The following PLXDC2 variants were observed in gnomAD, a reference collection of about 807,000 sequenced individuals.
PLXDC2 encodes plexin domain containing 2.
Under a neutral mutation model 68.9 loss-of-function variants are expected in PLXDC2, and 40 were observed. The observed-to-expected ratio is 0.58, with a 90% CI of 0.45 to 0.76. The LOEUF (loss-of-function observed/expected upper bound fraction) is 0.76. Ranked by LOEUF, PLXDC2 falls within the 30% of genes least tolerant of loss-of-function variation. The probability of loss-of-function intolerance (pLI) is 0.00; values close to 1 mark genes in which losing one functional copy is unlikely to be tolerated. For synonymous variants in PLXDC2, 243 were observed against 234.2 expected (o/e 1.04, Z -0.34); for missense variants, 644 against 661.9 (o/e 0.97, Z 0.30).
At chr10:20,038,259 A>T (rs1180498906) in intron 2 of PLXDC2, among the ~76,000 whole-genome samples, 2 of 151,926 alleles carry the variant, frequency 1.3e-5, no homozygotes, top group African/African-American at 4.8e-5. Flanking sequence ...AAAAAATTTA[A>T]AAAAAAGAAT....
chr10:19,887,542 C>A (rs556828889), intron 1 of PLXDC2, among the ~76,000 whole-genome samples: 2 of 151,630 alleles, frequency 1.3e-5, no homozygotes, highest in African/African-American at 4.8e-5. Context: ...ACAAAACAAA[C>A]AAAAAACAAA....
At chr10:19,912,011 C>T (rs73601646) in intron 1 of PLXDC2, among the ~76,000 whole-genome samples, 5,109 of 152,218 alleles carry the variant, frequency 0.034, 284 homozygotes, top group African/African-American at 0.12. Flanking sequence ...TCTATCTTGG[C>T]TTATTACTTG....
chr10:20,198,388 G>A (rs367828203), intron 9 of PLXDC2, among the ~76,000 whole-genome samples: 9 of 151,946 alleles, frequency 5.9e-5, no homozygotes, highest in African/African-American at 9.7e-5. Flanking sequence ...CAATATTGAC[G>A]ACTCTTCTAT....
At chr10:20,121,974 C>T (rs1005877777) in intron 4 of PLXDC2, among the ~76,000 whole-genome samples, 4 of 151,780 alleles carry the variant, frequency 2.6e-5, no homozygotes, top group African/African-American at 9.7e-5. Context: ...GATCGGTTGC[C>T]AAGGAGGGAG....
intron 1 of PLXDC2, among the ~76,000 whole-genome samples, chr10:19,929,548 A>G (rs931583434): frequency 1.6e-4 from 24 of 152,238 alleles, no homozygotes; most frequent in African/African-American, 5.5e-4. Context: ...ATCATGTTCT[A>G]AAGTGCCCTT....
At chr10:19,944,861 A>G (rs1386368625) in intron 1 of PLXDC2, among the ~76,000 whole-genome samples, 3 of 152,220 alleles carry the variant, frequency 2.0e-5, no homozygotes, top group Admixed American at 1.3e-4. Context: ...CTGAGGCAGG[A>G]GAAGTGTTTG....
chr10:20,134,587 T>G (rs979140538), intron 4 of PLXDC2, among the ~76,000 whole-genome samples: 1 of 152,172 alleles, frequency 6.6e-6, no homozygotes, highest in African/African-American at 2.4e-5. Context: ...TGGGTCTGCA[T>G]GACAGGCATG....
intron 1 of PLXDC2, among the ~76,000 whole-genome samples, chr10:19,903,112 C>T (rs1321746189): frequency 6.6e-6 from 1 of 152,096 alleles, no homozygotes; most frequent in East Asian, 1.9e-4. Context: ...CTGTGTTCAT[C>T]AGGGATATTC....
chr10:20,243,897 A>T (rs1401830408), intron 12 of PLXDC2, among the ~76,000 whole-genome samples: 1 of 152,026 alleles, frequency 6.6e-6, no homozygotes, highest in East Asian at 1.9e-4. Context: ...CATCTCTACT[A>T]AAAATGCAAA....
intron 1 of PLXDC2, among the ~76,000 whole-genome samples, chr10:19,955,074 A>ATTTTTTTT (rs750051734): frequency 1.0e-5 from 1 of 99,290 alleles, no homozygotes. Flanking sequence ...CCTTTCACTG[A>ATTTTTTTT]TTTTTTTTTT....
At chr10:19,860,211 G>T (rs1383337951) in intron 1 of PLXDC2, among the ~76,000 whole-genome samples, 2 of 152,178 alleles carry the variant, frequency 1.3e-5, no homozygotes, top group Non-Finnish European at 2.9e-5. Context: ...CATGCAGGGT[G>T]CAGTTTGCAA....
At chr10:20,160,162 T>C (rs1267808261) in intron 6 of PLXDC2, among the ~76,000 whole-genome samples, 1 of 152,186 alleles carries the variant, frequency 6.6e-6, no homozygotes, top group African/African-American at 2.4e-5. Flanking sequence ...TCTTATCAAA[T>C]GGACAGTGTG....
intron 1 of PLXDC2, among the ~76,000 whole-genome samples, chr10:19,905,403 T>G (rs1030424577): frequency 6.6e-6 from 1 of 152,226 alleles, no homozygotes; most frequent in African/African-American, 2.4e-5. Flanking sequence ...TTGTAAATAT[T>G]ATTTCTCCTA....
chr10:20,145,722 T>A (rs1347806731), intron 5 of PLXDC2, among the ~76,000 whole-genome samples: 2 of 152,030 alleles, frequency 1.3e-5, no homozygotes, highest in African/African-American at 4.8e-5. Context: ...GCTAATTTTT[T>A]AATATTTTTT....
At chr10:20,192,149 A>T (rs966605047) in intron 9 of PLXDC2, among the ~76,000 whole-genome samples, 8 of 151,986 alleles carry the variant, frequency 5.3e-5, no homozygotes, top group Non-Finnish European at 7.4e-5. Context: ...CTTAAAATAA[A>T]TTTTTTTAGG....
At chr10:20,043,155 A>G (rs76910949) in intron 2 of PLXDC2, among the ~76,000 whole-genome samples, 1 of 152,148 alleles carries the variant, frequency 6.6e-6, no homozygotes, top group Non-Finnish European at 1.5e-5. Context: ...TTTTCTGAAT[A>G]TCTGAACCAA....
intron 1 of PLXDC2, among the ~76,000 whole-genome samples, chr10:19,950,441 C>T (rs920679985): frequency 2.0e-5 from 3 of 152,102 alleles, no homozygotes; most frequent in African/African-American, 7.2e-5. Context: ...CCTAGGAATA[C>T]ATCTAACCAA....
rs186403547 is a variant in PLXDC2, at chr10:20,198,759, A to G, written c.1062-12910A>G. Among the ~76,000 whole-genome samples the G allele has an allele frequency of 2.7e-4, 41 of 152,276 alleles. No homozygotes were observed. In the East Asian group the frequency reaches 6.4e-3, roughly 24 times the overall value. On this transcript the variant is annotated intron_variant, in intron 9 of 13. Transcript: ENST00000377252. The stretch of plus-strand genomic sequence containing the variant: ...GATGTGTTTACCTTGTTTTTGTCAC[A>G]TAATCCAGCTGTAAGTTGATTTATC...
Position 20,001,841 on chromosome 10 carries a change from C to G in PLXDC2, c.179C>G (p.Ala60Gly). The G allele has an allele frequency of 1.2e-6, 2 of 1,614,028 alleles. No homozygotes were observed. Among genetic ancestry groups the G allele is most frequent in the Non-Finnish European group, 1.7e-6 (2 of 1,179,988 alleles). ...GAGGAGGTGGAAGTTGATTCACACG[C>G]GTACAGCCACAGGTGGAAAAGAAAC... The part of the protein sequence containing the change: ...TEEEVEVDSH[A>G]YSHRWKRNLD... Residue 60 changes from alanine to glycine, a missense_variant, in exon 2 of 14, where the codon GCG (alanine) becomes GGG (glycine). Transcript: ENST00000377252.
Sources: allele counts gnomAD v4.1 joint callset (sites outside exome capture counted in the v4.1 genomes callset), GRCh38; gene constraint gnomAD v4.1.1; transcripts MANE v1.5; gene names NCBI Gene and HGNC (gene_info 2026-07-23, HGNC 2026-07-21).